OR4K1: variants seen among roughly 807,000 people sequenced by gnomAD.
OR4K1 encodes the protein olfactory receptor family 4 subfamily K member 1, also known as olfactory receptor 4K1.
A neutral mutation model predicts 14.4 loss-of-function variants in OR4K1; 16 were observed. The observed-to-expected ratio is 1.11, with a 90% CI of 0.75 to 1.68. The LOEUF is 1.68. OR4K1 is among the 40% of genes most tolerant of loss of function. The probability of loss-of-function intolerance (pLI) is 0.00; values close to 1 mark genes in which losing one functional copy is unlikely to be tolerated. For missense variants in OR4K1, 548 were observed against 376.9 expected (o/e 1.45, Z -3.76); for synonymous variants, 181 against 133.1 (o/e 1.36, Z -2.48).
the OR4K1 span, among the ~76,000 whole-genome samples, chr14:19,922,105 G>A: frequency 2.0e-5 from 3 of 151,172 alleles, no homozygotes; most frequent in South Asian, 2.1e-4. Context: ...TATCCCATAC[G>A]GTTTTCAAAT....
At chr14:19,933,820 C>T (rs1201915724) in intron 1 of OR4K1, among the ~76,000 whole-genome samples, 2 of 152,120 alleles carry the variant, frequency 1.3e-5, no homozygotes, top group East Asian at 1.9e-4. Flanking sequence ...CTCCTGACCT[C>T]GTGATCTGCC....
chr14:19,935,294 A>C (rs1209175992), intron 1 of OR4K1, among the ~76,000 whole-genome samples: 1 of 152,208 alleles, frequency 6.6e-6, no homozygotes, highest in East Asian at 1.9e-4. Flanking sequence ...TCGAGCTAAA[A>C]CTTATCTTAC....
At position 19,936,672 on chromosome 14, in the gene OR4K1, A is replaced by G; in HGVS notation, c.*70A>G. ...TCCAGTGTATCATAGTGTCATGCCAACCATCTTTGCCAGACATATGGGTTA... is the reference window on the plus strand; with the variant it reads ...TCCAGTGTATCATAGTGTCATGCCAGCCATCTTTGCCAGACATATGGGTTA... On this transcript the variant is annotated 3_prime_UTR_variant, in exon 2 of 2. Coordinates refer to ENST00000641172, the MANE Select transcript of OR4K1 (RefSeq NM_001004063.3). The G allele has an allele frequency of 7.2e-7, 1 of 1,394,522 alleles. No homozygotes were observed. The highest frequency in any genetic ancestry group is 1.5e-5 in the South Asian group (1 of 68,372). The allele number at this position is 1,394,522 out of a possible 1,614,324, so 86.4% of individuals were successfully genotyped here. A position where few individuals can be genotyped will look rare whatever the true frequency, so the allele number is the denominator to read the frequency against.
chr14:19,921,590 T>C, the OR4K1 span: 1 of 1,600,574 alleles, frequency 6.2e-7, no homozygotes, highest in Non-Finnish European at 8.5e-7. Context: ...ACAAAACTCC[T>C]TCAAATTCCT....
the OR4K1 span, chr14:19,920,781 A>G: frequency 2.0e-5 from 32 of 1,614,098 alleles, no homozygotes; most frequent in African/African-American, 6.7e-5. Context: ...GCACTCCCCT[A>G]TGTACTTTCT....
Position 19,935,916 on chromosome 14 carries a change from G to C in OR4K1, c.250G>C (p.Asp84His), listed in dbSNP as rs774658236. 3 of 1,614,194 alleles carry C rather than the reference G, an allele frequency of 1.9e-6. No individual in the cohort carries two copies. Among genetic ancestry groups the C allele is most frequent in the Admixed American group, 3.3e-5 (2 of 60,006 alleles). Residue 84 changes from aspartate to histidine, a missense_variant, in exon 2 of 2, where the codon GAC becomes CAC. Coordinates refer to ENST00000641172, the MANE Select transcript of OR4K1 (RefSeq NM_001004063.3). ...CTTTGCCACCCCCAAGATGCTTGTA[G>C]ACTTTTTTATTGAGCGCAAGACTAT... ...SNFATPKMLV[D>H]FFIERKTISF...
At chr14:19,932,845 A>G (rs1011606283) in intron 1 of OR4K1, among the ~76,000 whole-genome samples, 2 of 152,128 alleles carry the variant, frequency 1.3e-5, no homozygotes. Context: ...TGCTTAAAAC[A>G]TAGAAAAATG....
the OR4K1 span, chr14:19,921,177 G>C: frequency 6.2e-7 from 1 of 1,614,134 alleles, no homozygotes; most frequent in Non-Finnish European, 8.5e-7. Flanking sequence ...TGCCTGCCTG[G>C]ACTCTTACAT....
intron 1 of OR4K1, among the ~76,000 whole-genome samples, chr14:19,932,378 T>C (rs1160836680): frequency 6.6e-6 from 1 of 152,120 alleles, no homozygotes; most frequent in East Asian, 1.9e-4. Flanking sequence ...CTTCTCCCTC[T>C]TTCTCCCCCT....
At chr14:19,921,688 C>A in the OR4K1 span, 1 of 1,138,850 alleles carries the variant, frequency 8.8e-7, no homozygotes, top group Non-Finnish European at 1.2e-6. Flanking sequence ...ATATAGAGAA[C>A]ATTTAATGAA....
At chr14:19,925,924 C>T (rs1656651281), upstream of OR4K1, among the ~76,000 whole-genome samples, 1 of 152,186 alleles carries the variant, frequency 6.6e-6, no homozygotes, top group Admixed American at 6.5e-5. Context: ...ACAGAGTCCT[C>T]CAGGAAAAAA....
chr14:19,929,390 TG>T (rs1882134916), upstream of OR4K1, among the ~76,000 whole-genome samples: 1 of 148,788 alleles, frequency 6.7e-6, no homozygotes, highest in East Asian at 2.0e-4. Context: ...TGTGTGTGTG[TG>T]TGTGTGTGTG....
chr14:19,931,396 A>G (rs1882181408), intron 1 of OR4K1: 1 of 152,470 alleles, frequency 6.6e-6, no homozygotes, highest in Admixed American at 6.5e-5. Context: ...ACAGAGGAAC[A>G]TATGTTACAA....
chr14:19,920,915 T>A, the OR4K1 span: 1 of 1,614,220 alleles, frequency 6.2e-7, no homozygotes, highest in Non-Finnish European at 8.5e-7. Context: ...AAATTTTCTT[T>A]ATTCACCTTT....
Position 19,936,746 on chromosome 14 carries a change from A to G in OR4K1, c.*144A>G, listed in dbSNP as rs1882338951. On this transcript the variant is annotated 3_prime_UTR_variant, in exon 2 of 2. Coordinates refer to ENST00000641172, the MANE Select transcript of OR4K1 (RefSeq NM_001004063.3). ...GTTTTAAGTGCAAGGGAATTGCATC[A>G]AGTCAGTCTCTGGTTCTATTTAAAT... The G allele has an allele frequency of 5.2e-6, 3 of 579,422 alleles. No individual in the cohort carries two copies. The highest frequency in any genetic ancestry group is 8.3e-6 in the Non-Finnish European group (3 of 362,768). 35.9% of individuals were successfully genotyped at this position (579,422 alleles called of 1,614,324 possible). A position where few individuals can be genotyped will look rare whatever the true frequency, so the allele number is the denominator to read the frequency against.
At chr14:19,921,481 G>C in the OR4K1 span, 1 of 1,613,920 alleles carries the variant, frequency 6.2e-7, no homozygotes, top group African/African-American at 1.3e-5. Context: ...CTAAGGAATA[G>C]GGATATGAAG....
Position 19,936,131 on chromosome 14 carries a change from T to C in OR4K1, c.465T>C (p.His155=). Residue 155 remains histidine (H), a synonymous_variant, in exon 2 of 2, where the codon CAT becomes CAC. Transcript: ENST00000641172. ...VSISWAVGVL[H]SVSHLAFTVD... ...TTTCCTGGGCGGTGGGCGTTCTTCA[T>C]TCTGTGAGCCACTTGGCTTTTACAG... 6.2e-7 allele frequency: 1 copy of C among 1,614,228 alleles called. No individual in the cohort carries two copies. The highest frequency in any genetic ancestry group is 1.6e-4 in the Middle Eastern group (1 of 6,062).
intron 1 of OR4K1, among the ~76,000 whole-genome samples, chr14:19,932,333 TTCCTCCTCCTCCTCC>T (rs113089255): frequency 6.6e-6 from 1 of 151,506 alleles, no homozygotes; most frequent in East Asian, 2.0e-4. Context: ...TCCTTTTTTC[TTCCTCCTCCTCCTCC>T]TCCTCCTCTT....
intron 1 of OR4K1, among the ~76,000 whole-genome samples, chr14:19,933,505 C>A (rs919155899): frequency 3.9e-5 from 6 of 152,218 alleles, no homozygotes; most frequent in Non-Finnish European, 5.9e-5. Flanking sequence ...AAATCTTCCA[C>A]ATGGAAATGA....
Sources: allele counts gnomAD v4.1 joint callset (sites outside exome capture counted in the v4.1 genomes callset), GRCh38; gene constraint gnomAD v4.1.1; transcripts MANE v1.5; gene names NCBI Gene and HGNC (gene_info 2026-07-23, HGNC 2026-07-21).